Variants in CTNNA3 observed in about 807,000 individuals in gnomAD.
CTNNA3 encodes the protein catenin alpha 3.
A neutral mutation model predicts 95.7 loss-of-function variants in CTNNA3; 76 were observed. That is an observed-to-expected ratio of 0.79 (90% CI 0.66 to 0.96). The LOEUF (loss-of-function observed/expected upper bound fraction) is 0.96. Ranked by LOEUF, CTNNA3 falls within the 40% of genes least tolerant of loss-of-function variation. CTNNA3 has a pLI of 0.00. For missense variants in CTNNA3, 1,191 were observed against 1,089.8 expected (o/e 1.09, Z -1.31); for synonymous variants, 431 against 374.4 (o/e 1.15, Z -1.74).
intron 11 of CTNNA3, among the ~76,000 whole-genome samples, chr10:66,404,229 C>A (rs1944134888): frequency 4.6e-5 from 7 of 152,126 alleles, no homozygotes. Flanking sequence ...ATCAGTAGCA[C>A]CCATAACCTA....
intron 15 of CTNNA3, among the ~76,000 whole-genome samples, chr10:66,019,672 G>T (rs1274617467): frequency 1.3e-5 from 2 of 151,940 alleles, no homozygotes; most frequent in African/African-American, 4.8e-5. Flanking sequence ...AGGATCAAAA[G>T]GAAGTAACTG....
intron 7 of CTNNA3, among the ~76,000 whole-genome samples, chr10:66,938,028 T>C (rs1445681443): frequency 6.6e-6 from 1 of 152,170 alleles, no homozygotes; most frequent in Non-Finnish European, 1.5e-5. Context: ...TACAGTCTTT[T>C]ATGCATGATA....
chr10:67,022,529 T>TGA (rs1250887583), intron 7 of CTNNA3, among the ~76,000 whole-genome samples: 1 of 152,208 alleles, frequency 6.6e-6, no homozygotes, highest in Non-Finnish European at 1.5e-5. Flanking sequence ...AGGAAGGTCA[T>TGA]GAATTTTAAC....
intron 10 of CTNNA3, among the ~76,000 whole-genome samples, chr10:66,530,943 C>T (rs544286009): frequency 1.3e-5 from 2 of 152,062 alleles, no homozygotes; most frequent in African/African-American, 2.4e-5. Flanking sequence ...ATTTTCGTAT[C>T]TCATAAAACA....
At chr10:66,303,012 T>G (rs2091884764) in intron 12 of CTNNA3, among the ~76,000 whole-genome samples, 1 of 152,126 alleles carries the variant, frequency 6.6e-6, no homozygotes, top group African/African-American at 2.4e-5. Flanking sequence ...TAGGAATTTG[T>G]GACATAATTT....
At chr10:67,532,954 C>T (rs1034735671) in intron 4 of CTNNA3, among the ~76,000 whole-genome samples, 3 of 152,152 alleles carry the variant, frequency 2.0e-5, no homozygotes, top group Non-Finnish European at 4.4e-5. Flanking sequence ...GCCATGTTTT[C>T]TTCCCACGAT....
At chr10:66,415,989 T>G (rs911835936) in intron 11 of CTNNA3, among the ~76,000 whole-genome samples, 2 of 152,078 alleles carry the variant, frequency 1.3e-5, no homozygotes, top group South Asian at 2.1e-4. Flanking sequence ...AAAATCCTAG[T>G]AAAAATTCAA....
chr10:66,619,096 C>A (rs557419224), intron 10 of CTNNA3, among the ~76,000 whole-genome samples: 39 of 151,618 alleles, frequency 2.6e-4, no homozygotes, highest in Admixed American at 1.4e-3. Context: ...AATAGGAACA[C>A]TTTTACACTG....
chr10:66,742,114 C>T (rs535001529), intron 9 of CTNNA3, among the ~76,000 whole-genome samples: 1 of 152,242 alleles, frequency 6.6e-6, no homozygotes, highest in Admixed American at 6.5e-5. Context: ...CTTTCAAAAG[C>T]AAATGGGAGA....
intron 9 of CTNNA3, among the ~76,000 whole-genome samples, chr10:66,663,595 G>A (rs1201998615): frequency 1.3e-5 from 2 of 151,864 alleles, no homozygotes; most frequent in African/African-American, 4.8e-5. Flanking sequence ...TATCTCTCCA[G>A]TTTGCTGCCT....
At chr10:66,656,698 T>C (rs1846084348) in intron 9 of CTNNA3, among the ~76,000 whole-genome samples, 1 of 152,066 alleles carries the variant, frequency 6.6e-6, no homozygotes, top group Non-Finnish European at 1.5e-5. Context: ...CATGACAATA[T>C]TTGGATATAA....
At chr10:67,728,419 T>G (rs1841256656) in intron 1 of CTNNA3, among the ~76,000 whole-genome samples, 1 of 149,296 alleles carries the variant, frequency 6.7e-6, no homozygotes, top group Admixed American at 6.7e-5. Context: ...ATATACTATA[T>G]GTATGTATAT....
intron 7 of CTNNA3, among the ~76,000 whole-genome samples, chr10:67,088,505 C>T (rs1396417782): frequency 1.3e-5 from 2 of 151,830 alleles, no homozygotes; most frequent in African/African-American, 4.8e-5. Context: ...GCCTGCATTA[C>T]ATAAGACTCT....
intron 1 of CTNNA3, among the ~76,000 whole-genome samples, chr10:67,662,421 A>G (rs1840215411): frequency 6.6e-6 from 1 of 152,186 alleles, no homozygotes; most frequent in African/African-American, 2.4e-5. Flanking sequence ...CATGGATAAG[A>G]GGGGACTACT....
chr10:66,527,859 A>T (rs1293103548), intron 10 of CTNNA3, among the ~76,000 whole-genome samples: 4 of 152,148 alleles, frequency 2.6e-5, no homozygotes, highest in Non-Finnish European at 4.4e-5. Flanking sequence ...TAAATATAAG[A>T]GTATGTCATC....
At chr10:66,054,226 C>G (rs998379224) in intron 15 of CTNNA3, among the ~76,000 whole-genome samples, 1 of 152,122 alleles carries the variant, frequency 6.6e-6, no homozygotes, top group African/African-American at 2.4e-5. Flanking sequence ...TGATTTCCTT[C>G]CCTTTGGATG....
At position 66,331,338 on chromosome 10, in the gene CTNNA3, G is replaced by GCTTGTTTTTTTTTTTTTTTTTTTTTTTTT. The variant is rs1417713676; in HGVS notation, c.1732+47813_1732+47814insAAAAAAAAAAAAAAAAAAAAAAAAACAAG. Among the ~76,000 whole-genome samples, 11 of 39,116 alleles carry GCTTGTTTTTTTTTTTTTTTTTTTTTTTTT rather than the reference G, an allele frequency of 2.8e-4. 5 individuals are homozygous for GCTTGTTTTTTTTTTTTTTTTTTTTTTTTT. The highest frequency in any genetic ancestry group is 2.4e-3 in the South Asian group (2 of 828). The allele number at this position is 39,116 out of a possible 152,430, so 25.7% of individuals were successfully genotyped here. A position where few individuals can be genotyped will look rare whatever the true frequency, so the allele number is the denominator to read the frequency against. ...TTAAATATGGACTCCTTTCCCCATT[G>GCTTGTTTTTTTTTTTTTTTTTTTTTTTTT]TTTGTTTTTTTTTTTTTTTTTTTTT... On this transcript the variant is annotated intron_variant, in intron 12 of 17. Coordinates refer to ENST00000433211, the MANE Select transcript of CTNNA3 (RefSeq NM_013266.4).
chr10:66,544,294 A>G (rs968528494), intron 10 of CTNNA3, among the ~76,000 whole-genome samples: 3 of 152,046 alleles, frequency 2.0e-5, no homozygotes, highest in Non-Finnish European at 4.4e-5. Flanking sequence ...CTCTTCCAAT[A>G]TAGGCAAGAT....
intron 7 of CTNNA3, among the ~76,000 whole-genome samples, chr10:66,791,902 C>T (rs927107759): frequency 5.3e-5 from 8 of 152,124 alleles, no homozygotes; most frequent in African/African-American, 1.7e-4. Context: ...GCACTATAAT[C>T]CGTATACATA....
Sources: gnomAD v4.1 joint callset for allele counts (sites outside exome capture counted in the v4.1 genomes callset) on GRCh38, gnomAD v4.1.1 for gene constraint, MANE v1.5 for transcripts, NCBI Gene and HGNC (gene_info 2026-07-23, HGNC 2026-07-21) for gene names.